Variants in ACER3 observed in about 807,000 individuals in gnomAD.
ACER3 encodes the protein alkCDase 3.
In ACER3, 16 loss-of-function variants were observed where a neutral mutation model predicts 48.9. That is an observed-to-expected ratio of 0.33 (90% confidence interval 0.22 to 0.50). The LOEUF is 0.50. ACER3 is among the 20% of genes least tolerant of loss of function. The probability of loss-of-function intolerance (pLI) is 0.98; values close to 1 mark genes in which losing one functional copy is unlikely to be tolerated. For synonymous variants in ACER3, 109 were observed against 107.8 expected (o/e 1.01, Z -0.07); for missense variants, 227 against 326.0 (o/e 0.70, Z 2.34).
chr11:76,945,002 G>A (rs1038001763), intron 2 of ACER3, among the ~76,000 whole-genome samples: 2 of 150,128 alleles, frequency 1.3e-5, no homozygotes, highest in African/African-American at 4.9e-5. Context: ...TATTATTGAA[G>A]CTTTTAAATG....
chr11:76,891,221 C>G (rs1051470987), intron 1 of ACER3, among the ~76,000 whole-genome samples: 1 of 149,768 alleles, frequency 6.7e-6, no homozygotes. Flanking sequence ...TCAGAGGAAT[C>G]CAGTATTGTG....
intron 5 of ACER3, among the ~76,000 whole-genome samples, chr11:76,987,208 C>T (rs1228454188): frequency 6.6e-6 from 1 of 152,166 alleles, no homozygotes; most frequent in Non-Finnish European, 1.5e-5. Flanking sequence ...CCAGGGACTT[C>T]TGTATTTGCT....
intron 3 of ACER3, among the ~76,000 whole-genome samples, chr11:76,965,406 T>C (rs1948112342): frequency 6.6e-6 from 1 of 151,484 alleles, no homozygotes; most frequent in South Asian, 2.1e-4. Context: ...CCAGGAGAAC[T>C]TCCCCAATCT....
chr11:76,993,504 A>C (rs2135238298), intron 6 of ACER3, among the ~76,000 whole-genome samples: 1 of 152,344 alleles, frequency 6.6e-6, no homozygotes, highest in Admixed American at 6.5e-5. Context: ...ATGTAAAAGC[A>C]GTGGTAATAT....
chr11:76,912,360 T>C (rs1376779545), intron 1 of ACER3, among the ~76,000 whole-genome samples: 4 of 152,076 alleles, frequency 2.6e-5, no homozygotes, highest in African/African-American at 9.7e-5. Flanking sequence ...CATCCTGAAT[T>C]GTAAGAAATT....
chr11:77,010,602 A>T (rs1949244397), intron 7 of ACER3, among the ~76,000 whole-genome samples: 1 of 152,150 alleles, frequency 6.6e-6, no homozygotes, highest in African/African-American at 2.4e-5. Flanking sequence ...ACATTATATA[A>T]TTGATGGGCA....
At chr11:76,979,368 C>A (rs1468294630) in intron 4 of ACER3, among the ~76,000 whole-genome samples, 1 of 152,084 alleles carries the variant, frequency 6.6e-6, no homozygotes, top group Admixed American at 6.5e-5. Flanking sequence ...TATCCAGAAA[C>A]AATAAAAGTA....
chr11:77,011,394 A>G (rs1454357118), intron 7 of ACER3: 46 of 985,158 alleles, frequency 4.7e-5, no homozygotes, highest in Admixed American at 6.1e-5. Flanking sequence ...GTTTAGAAGC[A>G]GAAAACAGAT....
intron 7 of ACER3, among the ~76,000 whole-genome samples, chr11:77,005,922 C>T (rs1949124935): frequency 7.6e-6 from 1 of 131,770 alleles, no homozygotes; most frequent in Non-Finnish European, 1.7e-5. Context: ...TATCCTGACC[C>T]ATTTAAAATA....
intron 2 of ACER3, 96 bp downstream of exon 2, chr11:76,926,763 C>G (rs1470240947): frequency 3.9e-5 from 31 of 786,100 alleles, no homozygotes; most frequent in Non-Finnish European, 5.9e-5. Context: ...TGTGTTATTA[C>G]ATAACTTGAA....
At chr11:77,003,671 T>C (rs1192759212) in intron 7 of ACER3, among the ~76,000 whole-genome samples, 1 of 152,206 alleles carries the variant, frequency 6.6e-6, no homozygotes, top group Non-Finnish European at 1.5e-5. Context: ...TATTTCCTAA[T>C]GAGCATTTAG....
chr11:76,956,725 G>T, intron 2 of ACER3, among the ~76,000 whole-genome samples: 2 of 142,748 alleles, frequency 1.4e-5, no homozygotes, highest in African/African-American at 2.6e-5. Flanking sequence ...GTTATTGTGT[G>T]ACTTTAAATA....
intron 2 of ACER3, among the ~76,000 whole-genome samples, chr11:76,938,537 T>G (rs1947255038): frequency 6.6e-6 from 1 of 152,132 alleles, no homozygotes; most frequent in African/African-American, 2.4e-5. Flanking sequence ...CAGGCTGGTC[T>G]TGAATTCCTG....
chr11:76,899,882 C>G (rs1350944394), intron 1 of ACER3, among the ~76,000 whole-genome samples: 1 of 152,194 alleles, frequency 6.6e-6, no homozygotes, highest in Non-Finnish European at 1.5e-5. Flanking sequence ...AATTCATGTA[C>G]AATTTTGACT....
intron 1 of ACER3, among the ~76,000 whole-genome samples, chr11:76,895,396 A>G (rs541717741): frequency 6.6e-6 from 1 of 152,350 alleles, no homozygotes; most frequent in East Asian, 1.9e-4. Flanking sequence ...TGCACAACAT[A>G]TAAAGACTTT....
At chr11:76,995,223 G>A (rs1405587761) in intron 6 of ACER3, among the ~76,000 whole-genome samples, 1 of 152,076 alleles carries the variant, frequency 6.6e-6, no homozygotes, top group East Asian at 1.9e-4. Flanking sequence ...ACTGAGTCTT[G>A]CTTTATATTT....
rs1400163274 is a variant in ACER3 at position 77,024,288 on chromosome 11, A to G, written c.*3961A>G. ...ACCCTGTCTCAAAAAAAAAAAAAAA[A>G]AAAAAAAAAAAAAGAATTAGGAAAT... On this transcript the variant is annotated 3_prime_UTR_variant, in exon 11 of 11. Transcript: ENST00000532485. 6.7e-6 allele frequency: 1 copy of G among 148,474 alleles called. No individual in the cohort carries two copies. The highest frequency in any genetic ancestry group is 1.9e-4 in the East Asian group (1 of 5,282). The allele number at this position is 148,474 out of a possible 1,614,324, so 9.2% of individuals were successfully genotyped here.
Position 76,896,617 on chromosome 11 carries a change from C to G in ACER3, c.104-29940C>G, listed in dbSNP as rs1221390744. On this transcript the variant is annotated intron_variant, in intron 1 of 10. Transcript: ENST00000532485. The stretch of plus-strand genomic sequence containing the variant: ...TTTGCTAAAGACGACCCCTCTACCC[C>G]CTTGAATCCTCCCAATTCTGGCAGC... Among the ~76,000 whole-genome samples the G allele has an allele frequency of 2.0e-5, 3 of 152,176 alleles. No individual in the cohort carries two copies. The East Asian group carries it at 5.8e-4, about 29-fold the overall frequency.
intron 2 of ACER3, among the ~76,000 whole-genome samples, chr11:76,945,578 T>C (rs1217783616): frequency 6.6e-6 from 1 of 152,152 alleles, no homozygotes; most frequent in African/African-American, 2.4e-5. Flanking sequence ...TGAGCCAGTA[T>C]TCATACCCCA....
Sources: allele counts gnomAD v4.1 joint callset (sites outside exome capture counted in the v4.1 genomes callset), GRCh38; gene constraint gnomAD v4.1.1; transcripts MANE v1.5; gene names NCBI Gene and HGNC (gene_info 2026-07-23, HGNC 2026-07-21).